Variants in TMEM131 observed in about 807,000 individuals in gnomAD.
The protein encoded by TMEM131 is transmembrane protein 131.
Under a neutral mutation model 211.6 loss-of-function variants are expected in TMEM131, and 66 were observed. The ratio of observed to expected loss-of-function variants is 0.31; its 90% confidence interval spans 0.26 to 0.38. The LOEUF (loss-of-function observed/expected upper bound fraction) is 0.38, where lower values mean the gene tolerates loss of function less well. Ranked by LOEUF, TMEM131 falls within the 10% of genes least tolerant of loss-of-function variation. TMEM131 has a pLI of 1.00. For missense variants in TMEM131, 2,036 were observed against 2,299.3 expected, an observed-to-expected ratio of 0.89 and a Z score of 2.34; for synonymous variants, 844 against 841.3, an observed-to-expected ratio of 1.00 and a Z score of -0.06.
chr2:97,861,132 C>T (rs1674051308), intron 4 of TMEM131, among the ~76,000 whole-genome samples: 1 of 152,064 alleles, frequency 6.6e-6, no homozygotes, highest in African/African-American at 2.4e-5. Context: ...ACTTGAGTTC[C>T]CATTAGCCTT....
intron 2 of TMEM131, among the ~76,000 whole-genome samples, chr2:97,915,387 C>CA (rs1486003739): frequency 6.6e-6 from 1 of 152,194 alleles, no homozygotes; most frequent in African/African-American, 2.4e-5. Flanking sequence ...GCAGTGTGAT[C>CA]ATGGCTCACT....
At chr2:97,928,693 C>T (rs2104448116) in intron 1 of TMEM131, among the ~76,000 whole-genome samples, 1 of 151,682 alleles carries the variant, frequency 6.6e-6, no homozygotes, top group African/African-American at 2.4e-5. Context: ...AATGCTTTTT[C>T]CCATGGGAGT....
intron 3 of TMEM131, among the ~76,000 whole-genome samples, chr2:97,905,958 A>C (rs1676048564): frequency 6.6e-6 from 1 of 152,218 alleles, no homozygotes; most frequent in Non-Finnish European, 1.5e-5. Context: ...ACTTCTGATG[A>C]GGTTATAAAG....
chr2:97,845,667 G>A (rs375585137), intron 5 of TMEM131, among the ~76,000 whole-genome samples: 5 of 150,792 alleles, frequency 3.3e-5, no homozygotes, highest in South Asian at 4.2e-4. Context: ...TTTCTGTTTT[G>A]AGACACTAGA....
At position 97,939,415 on chromosome 2, in the gene TMEM131, G is replaced by C. The variant is rs1365772132; in HGVS notation, c.188-11928C>G. Among the ~76,000 whole-genome samples, 5 of 152,160 alleles carry C rather than the reference G, an allele frequency of 3.3e-5. No homozygotes were observed. The South Asian group carries it at 6.2e-4, about 19-fold the overall frequency. On this transcript the variant is annotated intron_variant, in intron 1 of 40. Transcript: ENST00000186436. ...TAAACACCTCTATGCAAATAAACTA[G>C]AAAATCTAGAAGAAATGGATAAATT...
At chr2:97,813,067 T>C (rs1250212962) in intron 15 of TMEM131, among the ~76,000 whole-genome samples, 1 of 152,092 alleles carries the variant, frequency 6.6e-6, no homozygotes. Context: ...TTATACGACA[T>C]AGTTGAGGGC....
At chr2:97,961,236 AAAAT>A (rs899592080) in intron 1 of TMEM131, among the ~76,000 whole-genome samples, 50 of 152,104 alleles carry the variant, frequency 3.3e-4, no homozygotes, top group African/African-American at 9.2e-4. Context: ...GAACAATTGA[AAAAT>A]AAAATAAAAT....
chr2:97,769,567 T>C (rs952995160), intron 33 of TMEM131, among the ~76,000 whole-genome samples: 2 of 152,206 alleles, frequency 1.3e-5, no homozygotes, highest in South Asian at 2.1e-4. Context: ...TCACAGCCCT[T>C]GGGCCTGAGT....
At chr2:97,965,976 A>G (rs570144262) in intron 1 of TMEM131, among the ~76,000 whole-genome samples, 2 of 152,158 alleles carry the variant, frequency 1.3e-5, no homozygotes, top group African/African-American at 4.8e-5. Context: ...AGGATAATTC[A>G]GTAAAAGAGA....
chr2:97,868,321 TATAAA>T (rs1346776325), intron 4 of TMEM131, among the ~76,000 whole-genome samples: 1 of 152,186 alleles, frequency 6.6e-6, no homozygotes, highest in Non-Finnish European at 1.5e-5. Flanking sequence ...TCTATCTATA[TATAAA>T]ATATTGTCTA....
At chr2:97,954,776 A>G (rs1237597068) in intron 1 of TMEM131, among the ~76,000 whole-genome samples, 2 of 140,612 alleles carry the variant, frequency 1.4e-5, no homozygotes, top group Non-Finnish European at 3.0e-5. Flanking sequence ...ATTGCACTTC[A>G]GCCTGGGAGA....
intron 3 of TMEM131, among the ~76,000 whole-genome samples, chr2:97,890,761 T>C (rs1239858913): frequency 1.3e-5 from 2 of 152,220 alleles, no homozygotes; most frequent in Admixed American, 1.3e-4. Context: ...AGACAAATCA[T>C]CTGCAAGTAA....
chr2:97,894,198 G>A (rs1267428033), intron 3 of TMEM131, among the ~76,000 whole-genome samples: 1 of 152,094 alleles, frequency 6.6e-6, no homozygotes, highest in Non-Finnish European at 1.5e-5. Flanking sequence ...GTAGATGTGT[G>A]GTGTTATTTC....
chr2:97,960,169 A>T (rs1678756091), intron 1 of TMEM131, among the ~76,000 whole-genome samples: 1 of 152,190 alleles, frequency 6.6e-6, no homozygotes, highest in African/African-American at 2.4e-5. Flanking sequence ...TCATAAAAAG[A>T]ATTTTGAGAT....
At chr2:97,853,432 TAAA>T (rs55752619) in intron 5 of TMEM131, among the ~76,000 whole-genome samples, 3 of 90,392 alleles carry the variant, frequency 3.3e-5, no homozygotes, top group Admixed American at 1.2e-4. Flanking sequence ...CCATCTCTAC[TAAA>T]AAAAAAAAAA....
rs549652362 is a variant in TMEM131 at position 97,793,357 on chromosome 2, T to C, written c.3545+38A>G. 9.6e-6 allele frequency: 15 copies of C among 1,568,272 alleles called. No individual in the cohort carries two copies. The East Asian group carries it at 2.3e-4, about 24-fold the overall frequency. ...ATTGTAATTTTATCAGCCAAATCTA[T>C]GTACACTAGGGAATTTATTGCCAGC... On this transcript the variant is annotated intron_variant, in intron 30 of 40. Coordinates refer to ENST00000186436, the MANE Select transcript of TMEM131 (RefSeq NM_015348.2).
intron 2 of TMEM131, among the ~76,000 whole-genome samples, chr2:97,916,080 A>AT (rs923325647): frequency 2.6e-5 from 4 of 151,796 alleles, no homozygotes; most frequent in Non-Finnish European, 5.9e-5. Context: ...CGCCCAGCTA[A>AT]TTTTTTTTAA....
At chr2:97,976,039 A>G (rs367659158) in intron 1 of TMEM131, among the ~76,000 whole-genome samples, 40 of 152,284 alleles carry the variant, frequency 2.6e-4, no homozygotes, top group East Asian at 1.7e-3. Context: ...CAAACAAGAC[A>G]TAAAAGAACC....
chr2:97,929,130 T>C (rs111647724), intron 1 of TMEM131, among the ~76,000 whole-genome samples: 2 of 151,210 alleles, frequency 1.3e-5, no homozygotes, highest in East Asian at 1.9e-4. Context: ...GGGCAGGAAA[T>C]ACACGAGATG....
Sources: allele counts gnomAD v4.1 joint callset (sites outside exome capture counted in the v4.1 genomes callset), GRCh38; gene constraint gnomAD v4.1.1; transcripts MANE v1.5; gene names NCBI Gene and HGNC (gene_info 2026-07-23, HGNC 2026-07-21).